The following ATP2B2 variants were observed in gnomAD, a reference collection of about 807,000 sequenced individuals.
The protein encoded by ATP2B2 is ATPase plasma membrane Ca2+ transporting 2.
ATP2B2 carries 15 observed loss-of-function variants against 120.0 expected under a neutral mutation model. The observed-to-expected ratio is 0.12, with a 90% CI of 0.08 to 0.19. The LOEUF is 0.19. ATP2B2 is among the 10% of genes least tolerant of loss of function. The pLI is 1.00. For missense variants in ATP2B2, 1,045 were observed against 1,719.8 expected (o/e 0.61, Z 6.94); for synonymous variants, 694 against 700.3 (o/e 0.99, Z 0.14).
Position 10,634,537 on chromosome 3 carries a change from A to G in ATP2B2, c.-459-14576T>C, listed in dbSNP as rs139816524. ...CTGAACAATCTCCCTGATTCCAAAA[A>G]TAGCCCCAGGATCTTCTCTGTGGCC... On this transcript the variant is annotated intron_variant, in intron 1 of 21. Coordinates refer to the ATP2B2 transcript ENST00000646379. Among the ~76,000 whole-genome samples the G allele has an allele frequency of 3.1e-4, 47 of 152,336 alleles. 1 individual carries two copies. The highest frequency in any genetic ancestry group is 1.1e-3 in the African/African-American group (46 of 41,586).
chr3:10,358,586 G>A, intron 14 of ATP2B2, 105 bp downstream of exon 14: 1 of 1,099,218 alleles, frequency 9.1e-7, no homozygotes, highest in Non-Finnish European at 1.4e-6. Context: ...GGCATTATGT[G>A]GAAACTGAGA....
chr3:10,427,724 T>C (rs553379484), intron 2 of ATP2B2, among the ~76,000 whole-genome samples: 89 of 152,340 alleles, frequency 5.8e-4, no homozygotes, highest in African/African-American at 2.1e-3. Flanking sequence ...GTCCATGTTT[T>C]CCACCTGAAA....
Position 10,492,571 on chromosome 3 carries a change from T to C in ATP2B2, c.-320+12894A>G, listed in dbSNP as rs1310169690. On this transcript the variant is annotated intron_variant, in intron 1 of 22. Transcript: ENST00000360273. ...GTCAGACTTGTTCCAGATGAGCTTC[T>C]GTCTGCACTGGCCCTCTCCCCAGCT... Among the ~76,000 whole-genome samples, 6 of 152,188 alleles carry C rather than the reference T, an allele frequency of 3.9e-5. No individual in the cohort carries two copies. The East Asian group carries it at 1.2e-3, about 29-fold the overall frequency.
chr3:10,486,726 GTGA>G (rs557974361), intron 1 of ATP2B2, among the ~76,000 whole-genome samples: 11 of 151,946 alleles, frequency 7.2e-5, no homozygotes, highest in Admixed American at 3.3e-4. Context: ...GATGATGATG[GTGA>G]TGATGATGAT....
chr3:10,583,057 C>T (rs2125563728), intron 2 of ATP2B2, among the ~76,000 whole-genome samples: 2 of 152,362 alleles, frequency 1.3e-5, no homozygotes, highest in South Asian at 4.1e-4. Context: ...CAGGCACCTG[C>T]TTCCTGCATT....
intron 1 of ATP2B2, among the ~76,000 whole-genome samples, chr3:10,660,640 C>A (rs959271394): frequency 1.8e-4 from 27 of 152,240 alleles, no homozygotes; most frequent in African/African-American, 6.3e-4. Context: ...CAGGACCAGA[C>A]GGATTCACAG....
intron 2 of ATP2B2, among the ~76,000 whole-genome samples, chr3:10,537,044 G>T (rs935919755): frequency 6.6e-6 from 1 of 152,134 alleles, no homozygotes; most frequent in Non-Finnish European, 1.5e-5. Context: ...GTTAAAAATA[G>T]GTTGGGCATA....
chr3:10,569,317 T>A (rs1384725523), intron 2 of ATP2B2, among the ~76,000 whole-genome samples: 1 of 152,156 alleles, frequency 6.6e-6, no homozygotes, highest in Non-Finnish European at 1.5e-5. Flanking sequence ...ACATCCCTAG[T>A]GGGAAGAATT....
chr3:10,527,139 C>T (rs554421316), intron 3 of ATP2B2, among the ~76,000 whole-genome samples: 1 of 152,316 alleles, frequency 6.6e-6, no homozygotes, highest in Admixed American at 6.5e-5. Flanking sequence ...TGTATTTGCA[C>T]CTCTGAGCTG....
At chr3:10,488,510 C>CATT (rs2065812666) in intron 1 of ATP2B2, among the ~76,000 whole-genome samples, 1 of 27,260 alleles carries the variant, frequency 3.7e-5, no homozygotes, top group African/African-American at 1.2e-4. Flanking sequence ...TTCCTTCGTT[C>CATT]CTTCCTTCCT....
chr3:10,350,549 C>T lies in ATP2B2; in HGVS notation c.2165G>A (p.Arg722Gln), dbSNP rs200250553. ...EVPEAIRKCQ[R>Q]AGITVRMVTG... is the part of the protein sequence containing the mutation. ...GACCATGCGGACCGTGATGCCTGCC[C>T]GCTGGCACTTGCGGATGGCTTCTGG... Residue 722 changes from arginine (R) to glutamine (Q), a missense_variant, in exon 15 of 23, where the codon CGG (arginine) becomes CAG (glutamine). Arg to Gln is a conservative substitution (Grantham distance 43). Transcript: ENST00000360273. The T allele has an allele frequency of 6.6e-5, 107 of 1,613,784 alleles. No homozygotes were observed. Among genetic ancestry groups the T allele is most frequent in the Admixed American group, 3.3e-4 (20 of 60,036 alleles).
At chr3:10,633,586 T>G (rs1199437571) in intron 1 of ATP2B2, among the ~76,000 whole-genome samples, 1 of 152,210 alleles carries the variant, frequency 6.6e-6, no homozygotes, top group Non-Finnish European at 1.5e-5. Flanking sequence ...GATAGAAATT[T>G]TAATGAAGGA....
At position 10,347,588 on chromosome 3, in the gene ATP2B2, C is replaced by T. The variant is rs773353427; in HGVS notation, c.2405-1451G>A. ...TTCTGGGCTGCTCCCACCCAGCTGT[C>T]GGTGACCCCTCAGTTCCACCGTCCT... On this transcript the variant is annotated intron_variant, in intron 16 of 22. Transcript: ENST00000360273. The surrounding 1 kb of genome is among the most constrained non-coding windows in gnomAD (Gnocchi z 5.2). 2.0e-5 allele frequency among the ~76,000 whole-genome samples: 3 copies of T among 152,196 alleles called. No homozygotes were observed. The highest frequency in any genetic ancestry group is 4.4e-5 in the Non-Finnish European group (3 of 68,022).
chr3:10,583,312 G>A (rs2068433890), intron 2 of ATP2B2, among the ~76,000 whole-genome samples: 1 of 152,206 alleles, frequency 6.6e-6, no homozygotes, highest in African/African-American at 2.4e-5. Flanking sequence ...AAAAACAAGA[G>A]AGCCTGCCCA....
intron 5 of ATP2B2, among the ~76,000 whole-genome samples, chr3:10,394,788 G>T (rs1021539751): frequency 6.6e-6 from 1 of 151,912 alleles, no homozygotes. Flanking sequence ...AGGGTGTGTC[G>T]GGGTCTCGCG....
chr3:10,689,136 A>G (rs75019560), intron 1 of ATP2B2, among the ~76,000 whole-genome samples: 1,526 of 152,298 alleles, frequency 0.01, 16 homozygotes, highest in Non-Finnish European at 0.016. Context: ...CCTTCCTGTG[A>G]TCTAGATAAG....
At chr3:10,679,316 G>C (rs1449866845) in intron 1 of ATP2B2, among the ~76,000 whole-genome samples, 1 of 152,186 alleles carries the variant, frequency 6.6e-6, no homozygotes, top group Non-Finnish European at 1.5e-5. Context: ...TACATCACAG[G>C]AATGTTTATG....
intron 1 of ATP2B2, among the ~76,000 whole-genome samples, chr3:10,645,000 G>C (rs1314963506): frequency 6.6e-6 from 1 of 152,070 alleles, no homozygotes; most frequent in Non-Finnish European, 1.5e-5. Flanking sequence ...TCTCTTCTTA[G>C]GTAATATACC....
intron 1 of ATP2B2, among the ~76,000 whole-genome samples, chr3:10,634,552 T>C (rs114829616): frequency 0.019 from 2,954 of 152,286 alleles, 41 homozygotes; most frequent in Middle Eastern, 0.044. Context: ...CCCAGGATCT[T>C]CTCTGTGGCC....
Sources: allele counts gnomAD v4.1 joint callset (sites outside exome capture counted in the v4.1 genomes callset), GRCh38; gene constraint gnomAD v4.1.1; non-coding constraint Gnocchi (gnomAD v3.1); transcripts MANE v1.5; gene names NCBI Gene and HGNC (gene_info 2026-07-23, HGNC 2026-07-21).